AMPD3: variants seen among roughly 807,000 people sequenced by gnomAD.
The protein encoded by AMPD3 is AMP deaminase 3.
Under a neutral mutation model 82.3 loss-of-function variants are expected in AMPD3, and 57 were observed. That is an observed-to-expected ratio of 0.69 (90% CI 0.56 to 0.86). The LOEUF is 0.86. Among genes scored for constraint, AMPD3 ranks in the 40% least tolerant of loss-of-function variants. AMPD3 has a pLI of 0.00. For missense variants in AMPD3, 870 were observed against 1,003.8 expected (o/e 0.87, Z 1.80); for synonymous variants, 381 against 394.7 (o/e 0.97, Z 0.41).
chr11:10,473,099 G>A (rs1225598436), intron 2 of AMPD3, among the ~76,000 whole-genome samples: 2 of 152,104 alleles, frequency 1.3e-5, no homozygotes, highest in African/African-American at 2.4e-5. Flanking sequence ...GCAAAACCCT[G>A]TCTGTACAAA....
chr11:10,494,677 C>CT, intron 7 of AMPD3: 1 of 985,414 alleles, frequency 1.0e-6, no homozygotes, highest in Non-Finnish European at 1.2e-6. Context: ...GGTGGGGCCT[C>CT]TGCTGTTCCT....
chr11:10,491,158 TA>T (rs1302196356), intron 6 of AMPD3, among the ~76,000 whole-genome samples: 1 of 152,216 alleles, frequency 6.6e-6, no homozygotes, highest in Non-Finnish European at 1.5e-5. Flanking sequence ...GCCGCAGCAG[TA>T]GCTCCAGAGT....
At chr11:10,484,483 A>C in intron 4 of AMPD3, 1 of 985,286 alleles carries the variant, frequency 1.0e-6, no homozygotes, top group Non-Finnish European at 1.2e-6. Context: ...AATGAAGCCC[A>C]TTTCAGTTAA....
intron 2 of AMPD3, among the ~76,000 whole-genome samples, chr11:10,470,057 A>T (rs1009917859): frequency 3.7e-4 from 52 of 140,216 alleles, no homozygotes; most frequent in African/African-American, 1.2e-3. Flanking sequence ...AAAAAAAAAA[A>T]GTCCTCAATA....
intron 10 of AMPD3, chr11:10,497,751 G>A (rs1460565395): frequency 1.0e-6 from 1 of 985,156 alleles, no homozygotes; most frequent in Non-Finnish European, 1.2e-6. Context: ...GAGAGTCAGG[G>A]GCCTGCCTGG....
At chr11:10,500,341 T>C in intron 11 of AMPD3, 92 bp downstream of exon 11, 1 of 1,498,934 alleles carries the variant, frequency 6.7e-7, no homozygotes. Context: ...ATGTGATCCT[T>C]GTGTCCGTGT....
At chr11:10,450,711 G>T, upstream of AMPD3, 1 of 1,092,052 alleles carries the variant, frequency 9.2e-7, no homozygotes. Flanking sequence ...TTGGCGGCGC[G>T]GCCCGGGCGC....
rs1026945580 is a variant in AMPD3, at chr11:10,488,247, G to A, written c.939+883G>A. The A allele has an allele frequency of 1.6e-5, 16 of 985,470 alleles. No homozygotes were observed. In the South Asian group the frequency reaches 2.3e-4, roughly 14 times the overall value. The allele number at this position is 985,470 out of a possible 1,614,324, so 61.0% of individuals were successfully genotyped here. A position where few individuals can be genotyped will look rare whatever the true frequency, so the allele number is the denominator to read the frequency against. ...CCTTTCCATTCTCTTTTGCTGAAGC[G>A]CTGTGCAGTGAGGCACAGGGTCAGT... On this transcript the variant is annotated intron_variant, in intron 6 of 14. Transcript: ENST00000396553.
Position 10,460,155 on chromosome 11 carries a change from T to A in AMPD3, c.-5-1360T>A, listed in dbSNP as rs184747355. ...CCCTGTCTCCCAGGCTGGAGTGCAG[T>A]AGTACGATCATAACTCACTGCAGCC... is the stretch of plus-strand genomic sequence containing the variant. On this transcript the variant is annotated intron_variant, in intron 1 of 14. Coordinates refer to ENST00000396553, the MANE Select transcript of AMPD3 (RefSeq NM_001025389.2). 4.6e-4 allele frequency among the ~76,000 whole-genome samples: 70 copies of A among 150,732 alleles called. No individual in the cohort carries two copies. In the East Asian group the frequency reaches 0.011, roughly 25 times the overall value.
upstream of AMPD3, chr11:10,450,550 C>T (rs879495923): frequency 7.1e-6 from 7 of 986,256 alleles, no homozygotes; most frequent in African/African-American, 1.7e-5. Context: ...GGTGTGGAAG[C>T]CCGGCGGGGC....
intron 14 of AMPD3, chr11:10,505,074 C>T (rs192375349): frequency 3.2e-4 from 309 of 974,776 alleles, no homozygotes; most frequent in Non-Finnish European, 3.5e-4. Flanking sequence ...ACATAGCAGG[C>T]GCTCAATATT....
In AMPD3 at chr11:10,455,298, G is replaced by A. The variant is rs140123175; in HGVS notation, c.-156G>A. Reference sequence around the variant, plus strand: ...AAGGGCAGATGAAGATCAGAGCTTTGCACCCTGTGATGCCATTTTAATCAA... The same window carrying A: ...AAGGGCAGATGAAGATCAGAGCTTTACACCCTGTGATGCCATTTTAATCAA... On this transcript the variant is annotated 5_prime_UTR_variant, in exon 1 of 15. Coordinates refer to ENST00000396553, the MANE Select transcript of AMPD3 (RefSeq NM_001025389.2). 2 of 985,496 alleles carry A rather than the reference G, an allele frequency of 2.0e-6. No individual in the cohort carries two copies. The highest frequency in any genetic ancestry group is 3.5e-5 in the African/African-American group (2 of 57,360). The allele number at this position is 985,496 out of a possible 1,614,324, so 61.0% of individuals were successfully genotyped here.
chr11:10,495,388 G>T, intron 8 of AMPD3, 182 bp from the exon 9 acceptor site: 1 of 984,000 alleles, frequency 1.0e-6, no homozygotes, highest in Non-Finnish European at 1.2e-6. Context: ...TCACCAGAGG[G>T]GGCCTCTCCT....
chr11:10,481,235 T>C (rs528021236), intron 3 of AMPD3, among the ~76,000 whole-genome samples: 1 of 152,228 alleles, frequency 6.6e-6, no homozygotes, highest in Non-Finnish European at 1.5e-5. Context: ...TTAACAGAGT[T>C]AATCAGAAGT....
intron 3 of AMPD3, 23 bp downstream of exon 3, chr11:10,478,753 G>C (rs759663841): frequency 7.5e-6 from 12 of 1,606,586 alleles, no homozygotes; most frequent in Non-Finnish European, 1.0e-5. Flanking sequence ...TGAGAGTGTT[G>C]AATGTGCCTT....
At position 10,482,157 on chromosome 11, in the gene AMPD3, C is replaced by T. The variant is rs367749804; in HGVS notation, c.521C>T (p.Pro174Leu). 189 of 1,613,902 alleles carry T rather than the reference C, an allele frequency of 1.2e-4. No homozygotes were observed. Among genetic ancestry groups the T allele is most frequent in the Non-Finnish European group, 1.6e-4 (183 of 1,180,034 alleles). The change falls in exon 4 of 15, where the codon CCG becomes CTG. Residue 174 changes from proline (P) to leucine (L), a missense_variant. Physicochemically the swap from Pro to Leu is moderately conservative, Grantham distance 98. Coordinates refer to ENST00000396553, the MANE Select transcript of AMPD3 (RefSeq NM_001025389.2). ...KYARLAYHRF[P>L]RITSQYLGHP... is the part of the protein sequence containing the mutation. ...GCGCGGCTCGCCTACCACCGCTTCC[C>T]GCGGATCACATCCCAGTACCTGGGT...
intron 13 of AMPD3, chr11:10,504,073 A>C: frequency 1.4e-5 from 12 of 837,262 alleles, no homozygotes; most frequent in South Asian, 5.4e-5. Context: ...ATCACTTCTC[A>C]TTTTTTTTTT....
chr11:10,477,385 G>A (rs1164290812), intron 2 of AMPD3, among the ~76,000 whole-genome samples: 7 of 152,200 alleles, frequency 4.6e-5, no homozygotes, highest in Admixed American at 6.5e-5. Context: ...ACCGTGGGGA[G>A]GCCGGGTTCC....
At position 10,463,015 on chromosome 11, in the gene AMPD3, T is replaced by C. The variant is rs141128689; in HGVS notation, c.221+1275T>C. Among the ~76,000 whole-genome samples, 804 of 152,130 alleles carry C rather than the reference T, an allele frequency of 5.3e-3. 14 individuals carry two copies. Among genetic ancestry groups the C allele is most frequent in the African/African-American group, 0.018 (763 of 41,498 alleles). On this transcript the variant is annotated intron_variant, in intron 2 of 14. Transcript: ENST00000396553. ...CCCTGATAAGAAGTTTGGATTGGAG[T>C]CTAAGTGAAATGAGAAGCCCTCATC...
Sources: allele counts gnomAD v4.1 joint callset (sites outside exome capture counted in the v4.1 genomes callset), GRCh38; gene constraint gnomAD v4.1.1; transcripts MANE v1.5; gene names NCBI Gene and HGNC (gene_info 2026-07-23, HGNC 2026-07-21).